The following PHKB variants were observed in gnomAD, a reference collection of about 807,000 sequenced individuals.
PHKB encodes the protein phosphorylase kinase regulatory subunit beta, also known as phosphorylase b kinase regulatory subunit beta.
In PHKB, 122 loss-of-function variants were observed where a neutral mutation model predicts 152.1. The ratio of observed to expected loss-of-function variants is 0.80; its 90% CI spans 0.69 to 0.93. The LOEUF is 0.93. PHKB is among the 40% of genes least tolerant of loss of function. The pLI is 0.00. For synonymous variants in PHKB, 436 were observed against 464.9 expected, an observed-to-expected ratio of 0.94 and a Z score of 0.80; for missense variants, 1,304 against 1,328.4, an observed-to-expected ratio of 0.98 and a Z score of 0.29.
intron 6 of PHKB, among the ~76,000 whole-genome samples, chr16:47,539,987 C>T: frequency 6.6e-6 from 1 of 152,186 alleles, no homozygotes; most frequent in East Asian, 1.9e-4. Context: ...GTCTGACTGT[C>T]TGCAGGGTCG....
chr16:47,673,201 G>A (rs1973667145), intron 26 of PHKB, among the ~76,000 whole-genome samples: 1 of 151,032 alleles, frequency 6.6e-6, no homozygotes. Flanking sequence ...ACTAAATCTT[G>A]TATTACTTCC....
At chr16:47,515,864 G>T (rs1268973684) in intron 6 of PHKB, among the ~76,000 whole-genome samples, 1 of 151,636 alleles carries the variant, frequency 6.6e-6, no homozygotes, top group Non-Finnish European at 1.5e-5. Flanking sequence ...AATAAAACAT[G>T]TAACTTTTAA....
intron 20 of PHKB, among the ~76,000 whole-genome samples, chr16:47,657,867 C>A (rs943954005): frequency 6.6e-6 from 1 of 152,148 alleles, no homozygotes; most frequent in Non-Finnish European, 1.5e-5. Flanking sequence ...TTGTCTCTAT[C>A]CTCAGATTGT....
At chr16:47,573,404 G>A (rs1971695683) in intron 7 of PHKB, among the ~76,000 whole-genome samples, 2 of 152,152 alleles carry the variant, frequency 1.3e-5, no homozygotes, top group Admixed American at 6.5e-5. Flanking sequence ...GCGATCCGAG[G>A]GCAGTTCCCT....
intron 14 of PHKB, 101 bp from the exon 15 acceptor site, chr16:47,640,934 G>T (rs759578005): frequency 1.8e-4 from 199 of 1,117,244 alleles, no homozygotes; most frequent in Non-Finnish European, 2.6e-4. Flanking sequence ...TCATTTTAAT[G>T]AACTGCTTAG....
At chr16:47,480,514 G>C (rs995870705) in intron 1 of PHKB, among the ~76,000 whole-genome samples, 1 of 152,152 alleles carries the variant, frequency 6.6e-6, no homozygotes, top group Non-Finnish European at 1.5e-5. Context: ...GGTGCTTCAA[G>C]AAATATAATT....
chr16:47,643,700 A>C (rs905446150), intron 16 of PHKB, among the ~76,000 whole-genome samples: 2 of 152,130 alleles, frequency 1.3e-5, no homozygotes, highest in African/African-American at 4.8e-5. Flanking sequence ...GTTCCCTCAA[A>C]TCTTAGCTGA....
chr16:47,616,886 C>G (rs1284460951), intron 14 of PHKB, among the ~76,000 whole-genome samples: 1 of 151,286 alleles, frequency 6.6e-6, no homozygotes, highest in South Asian at 2.1e-4. Flanking sequence ...AAGGGATGGG[C>G]TGAAATAAAG....
At chr16:47,669,671 C>A (rs1175836775) in intron 26 of PHKB, among the ~76,000 whole-genome samples, 1 of 152,126 alleles carries the variant, frequency 6.6e-6, no homozygotes, top group Non-Finnish European at 1.5e-5. Context: ...AAATCAAACC[C>A]CAGAAATTTC....
chr16:47,491,590 C>T (rs996303220), intron 1 of PHKB, among the ~76,000 whole-genome samples: 3 of 152,118 alleles, frequency 2.0e-5, no homozygotes, highest in Non-Finnish European at 2.9e-5. Flanking sequence ...TTTTTATAGA[C>T]ATCACACTCA....
intron 7 of PHKB, among the ~76,000 whole-genome samples, chr16:47,571,619 A>G (rs1971660375): frequency 6.6e-6 from 1 of 152,172 alleles, no homozygotes; most frequent in African/African-American, 2.4e-5. Context: ...TCCCAAGGCG[A>G]TGCAGTCACC....
At chr16:47,689,927 T>C (rs1416121327) in intron 27 of PHKB, among the ~76,000 whole-genome samples, 1 of 152,244 alleles carries the variant, frequency 6.6e-6, no homozygotes, top group Non-Finnish European at 1.5e-5. Flanking sequence ...TTCAACTAGC[T>C]GTTTTTATGA....
chr16:47,532,226 C>A (rs1273692219), intron 6 of PHKB, among the ~76,000 whole-genome samples: 3 of 152,180 alleles, frequency 2.0e-5, no homozygotes, highest in Non-Finnish European at 4.4e-5. Context: ...ATTCTCTGCC[C>A]TCTTGAGGTG....
At chr16:47,537,560 C>T (rs1970973187) in intron 6 of PHKB, among the ~76,000 whole-genome samples, 1 of 152,202 alleles carries the variant, frequency 6.6e-6, no homozygotes. Flanking sequence ...TAAGTGACTC[C>T]ATTCTGGTTT....
chr16:47,576,203 C>A (rs1048331239), intron 7 of PHKB, among the ~76,000 whole-genome samples: 1 of 152,164 alleles, frequency 6.6e-6, no homozygotes, highest in Admixed American at 6.5e-5. Context: ...AAAGACACAT[C>A]ATTAAAGAAA....
chr16:47,628,029 A>T (rs1972742111), intron 14 of PHKB, among the ~76,000 whole-genome samples: 1 of 152,190 alleles, frequency 6.6e-6, no homozygotes, highest in Admixed American at 6.5e-5. Context: ...AAGTCTAATG[A>T]GCATAAATGA....
intron 7 of PHKB, among the ~76,000 whole-genome samples, chr16:47,579,427 C>G (rs1198093410): frequency 6.6e-6 from 1 of 152,068 alleles, no homozygotes; most frequent in African/African-American, 2.4e-5. Flanking sequence ...AACAAGTTCC[C>G]AGGTAATACT....
At chr16:47,504,496 A>C (rs1173579115) in intron 4 of PHKB, among the ~76,000 whole-genome samples, 1 of 152,184 alleles carries the variant, frequency 6.6e-6, no homozygotes, top group Non-Finnish European at 1.5e-5. Context: ...TCATGATCTG[A>C]GTGTCCACAT....
Position 47,547,530 on chromosome 16 carries a change from G to C in PHKB, c.692G>C (p.Ser231Thr). Residue 231 changes from serine (S) to threonine (T), a missense_variant, in exon 7 of 31, where the codon AGC becomes ACC. Transcript: ENST00000323584. ...WERGSKYNNGSTELHSSSVGL... is the reference protein window; with the variant it reads ...WERGSKYNNGTTELHSSSVGL... ...AGAGGAAGCAAATATAATAATGGCA[G>C]CACAGAGCTACATTCGAGGTAATTT... 6.3e-7 allele frequency: 1 copy of C among 1,598,146 alleles called. No homozygotes were observed. Among genetic ancestry groups the C allele is most frequent in the Non-Finnish European group, 8.6e-7 (1 of 1,165,570 alleles).
Sources: allele counts gnomAD v4.1 joint callset (sites outside exome capture counted in the v4.1 genomes callset), GRCh38; gene constraint gnomAD v4.1.1; transcripts MANE v1.5; gene names NCBI Gene and HGNC (gene_info 2026-07-23, HGNC 2026-07-21).